The following TMEM41B variants were observed in gnomAD, a reference collection of about 807,000 sequenced individuals.
TMEM41B encodes transmembrane protein 41B, also known as protein stasimon.
TMEM41B carries 18 observed loss-of-function variants against 31.9 expected under a neutral mutation model. The observed-to-expected ratio is 0.56, with a 90% CI of 0.39 to 0.84. The LOEUF (loss-of-function observed/expected upper bound fraction) is 0.84. Ranked by LOEUF, TMEM41B falls within the 40% of genes least tolerant of loss-of-function variation. TMEM41B has a pLI of 0.00. For missense variants in TMEM41B, 322 were observed against 348.0 expected (o/e 0.93, Z 0.59); for synonymous variants, 144 against 124.3 (o/e 1.16, Z -1.05).
At chr11:9,290,118 T>C (rs1852921347) in intron 3 of TMEM41B, among the ~76,000 whole-genome samples, 1 of 152,186 alleles carries the variant, frequency 6.6e-6, no homozygotes, top group East Asian at 1.9e-4. Flanking sequence ...GGGTGGCTCA[T>C]GCCTGTAATC....
Position 9,310,040 on chromosome 11 carries a change from TA to T in TMEM41B, c.121+4280del, listed in dbSNP as rs764445565. 1.9e-4 allele frequency among the ~76,000 whole-genome samples: 28 copies of T among 148,234 alleles called. 1 individual carries two copies. The highest frequency in any genetic ancestry group is 5.9e-4 in the East Asian group (3 of 5,104). ...GTTCCAAGTAATGTATTATTATTAT[TA>T]TTATTTTTTTTTGAGATGGAGTCTC... On this transcript the variant is annotated intron_variant, in intron 1 of 6. Transcript: ENST00000528080.
At chr11:9,286,014 C>A (rs1441556685) in intron 6 of TMEM41B, among the ~76,000 whole-genome samples, 1 of 152,072 alleles carries the variant, frequency 6.6e-6, no homozygotes, top group Non-Finnish European at 1.5e-5. Context: ...CCTTGGGAGG[C>A]TGAGGCAGGA....
At chr11:9,306,409 A>G (rs535225918) in intron 1 of TMEM41B, among the ~76,000 whole-genome samples, 8 of 152,032 alleles carry the variant, frequency 5.3e-5, no homozygotes, top group African/African-American at 1.4e-4. Flanking sequence ...TTCGCCGGGC[A>G]TGGCGGCTCA....
chr11:9,309,653 T>C (rs762564762), intron 1 of TMEM41B, among the ~76,000 whole-genome samples: 3 of 151,702 alleles, frequency 2.0e-5, no homozygotes, highest in Non-Finnish European at 2.9e-5. Context: ...CCAGGCGCAG[T>C]GGCTTACACC....
At chr11:9,296,278 G>C (rs1463610302) in intron 2 of TMEM41B, among the ~76,000 whole-genome samples, 2 of 152,016 alleles carry the variant, frequency 1.3e-5, no homozygotes, top group African/African-American at 4.8e-5. Context: ...CGCAAACCAA[G>C]GGTTAAAGGC....
At chr11:9,300,856 C>A (rs1432589153) in intron 1 of TMEM41B, among the ~76,000 whole-genome samples, 2 of 148,618 alleles carry the variant, frequency 1.3e-5, no homozygotes, top group Non-Finnish European at 1.5e-5. Context: ...ACAGCCTGGG[C>A]GACAAAGCAA....
At position 9,290,233 on chromosome 11, in the gene TMEM41B, C is replaced by T. The variant is rs1350328543; in HGVS notation, c.369-1698G>A. ...CTCTACTAAAATACAAAAAACTAGC[C>T]GGGCGTGGTGGTGGGCACCTGTAGT... is the stretch of plus-strand genomic sequence containing the variant. On this transcript the variant is annotated intron_variant, in intron 3 of 6. Coordinates refer to ENST00000528080, the MANE Select transcript of TMEM41B (RefSeq NM_015012.4). 5.3e-5 allele frequency among the ~76,000 whole-genome samples: 8 copies of T among 152,082 alleles called. No individual in the cohort carries two copies. The East Asian group carries it at 9.7e-4, about 18-fold the overall frequency.
At chr11:9,302,808 C>T (rs1365184453) in intron 1 of TMEM41B, among the ~76,000 whole-genome samples, 1 of 98,938 alleles carries the variant, frequency 1.0e-5, no homozygotes, top group Non-Finnish European at 2.2e-5. Context: ...CCCACTTTTA[C>T]AAGTAAGAGG....
chr11:9,284,656 G>C (rs1852795377), intron 6 of TMEM41B, among the ~76,000 whole-genome samples: 1 of 151,930 alleles, frequency 6.6e-6, no homozygotes, highest in South Asian at 2.1e-4. Flanking sequence ...CCAGCTACTT[G>C]GGAGGCTGAG....
intron 2 of TMEM41B, among the ~76,000 whole-genome samples, chr11:9,297,410 T>A (rs1040841959): frequency 6.6e-6 from 1 of 152,144 alleles, no homozygotes; most frequent in Non-Finnish European, 1.5e-5. Flanking sequence ...AAATTTTTTA[T>A]AGGCTGGGCG....
chr11:9,294,284 C>G (rs892204149), intron 3 of TMEM41B, among the ~76,000 whole-genome samples: 5 of 149,888 alleles, frequency 3.3e-5, no homozygotes, highest in African/African-American at 1.2e-4. Context: ...CACCTGAGGT[C>G]AGGGGTTCCA....
intron 1 of TMEM41B, among the ~76,000 whole-genome samples, chr11:9,307,376 TAAAA>T (rs1303250561): frequency 1.3e-5 from 2 of 152,090 alleles, no homozygotes; most frequent in East Asian, 3.8e-4. Context: ...CTTAAACTAT[TAAAA>T]AAATTAATTG....
chr11:9,306,404 C>T (rs1241406708), intron 1 of TMEM41B, among the ~76,000 whole-genome samples: 1 of 151,998 alleles, frequency 6.6e-6, no homozygotes, highest in Non-Finnish European at 1.5e-5. Context: ...CAGAATTCGC[C>T]GGGCATGGCG....
At chr11:9,297,124 G>A (rs975676576) in intron 2 of TMEM41B, among the ~76,000 whole-genome samples, 9 of 152,026 alleles carry the variant, frequency 5.9e-5, no homozygotes, top group Admixed American at 2.0e-4. Flanking sequence ...CTGCTCTGTC[G>A]CCCAGGTTGG....
intron 1 of TMEM41B, among the ~76,000 whole-genome samples, chr11:9,305,853 G>C (rs1853377648): frequency 6.6e-6 from 1 of 151,438 alleles, no homozygotes; most frequent in Admixed American, 6.6e-5. Flanking sequence ...GGTAGACAGA[G>C]TCTACCAAAT....
At chr11:9,287,259 C>T (rs1852856998) in intron 5 of TMEM41B, among the ~76,000 whole-genome samples, 1 of 151,982 alleles carries the variant, frequency 6.6e-6, no homozygotes, top group African/African-American at 2.4e-5. Context: ...TGCAGTGAGC[C>T]GAGGTCATGC....
At chr11:9,294,794 A>C (rs1853045635) in intron 3 of TMEM41B, among the ~76,000 whole-genome samples, 1 of 152,042 alleles carries the variant, frequency 6.6e-6, no homozygotes, top group African/African-American at 2.4e-5. Context: ...TTTACAAAAG[A>C]AACAATGCAA....
chr11:9,301,769 A>G (rs1853266320), intron 1 of TMEM41B, among the ~76,000 whole-genome samples: 1 of 152,212 alleles, frequency 6.6e-6, no homozygotes. Context: ...ACTGGTTGTC[A>G]AGCGATAGTG....
intron 2 of TMEM41B, among the ~76,000 whole-genome samples, chr11:9,296,686 T>G (rs1349867377): frequency 6.6e-6 from 1 of 151,580 alleles, no homozygotes; most frequent in African/African-American, 2.4e-5. Context: ...TCATTTTGGG[T>G]AATCCTGATG....
Sources: allele counts gnomAD v4.1 joint callset (sites outside exome capture counted in the v4.1 genomes callset), GRCh38; gene constraint gnomAD v4.1.1; transcripts MANE v1.5; gene names NCBI Gene and HGNC (gene_info 2026-07-23, HGNC 2026-07-21).